Variants in CPM observed in about 807,000 individuals in gnomAD.
CPM encodes the protein carboxypeptidase M, also known as renal carboxypeptidase.
In CPM, 35 loss-of-function variants were observed where a neutral mutation model predicts 46.4. The ratio of observed to expected loss-of-function variants is 0.75; its 90% CI spans 0.58 to 1.00. The LOEUF (loss-of-function observed/expected upper bound fraction) is 1.00. Among genes scored for constraint, CPM ranks in the 50% least tolerant of loss-of-function variants. The pLI is 0.00. For synonymous variants in CPM, 195 were observed against 195.3 expected (o/e 1.00, Z 0.01); for missense variants, 422 against 530.4 (o/e 0.80, Z 2.01).
chr12:68,894,017 C>A (rs914685471), intron 2 of CPM, among the ~76,000 whole-genome samples: 1 of 152,052 alleles, frequency 6.6e-6, no homozygotes, highest in African/African-American at 2.4e-5. Flanking sequence ...GGGTGTGGAG[C>A]GCTGGTTGTT....
intron 5 of CPM, chr12:68,842,343 T>C (rs1385445048): frequency 2.0e-6 from 1 of 496,020 alleles, no homozygotes; most frequent in Non-Finnish European, 4.0e-6. Flanking sequence ...GAAGAAAAGA[T>C]GATATAACAG....
At chr12:68,935,442 C>T (rs1592710734), upstream of CPM, among the ~76,000 whole-genome samples, 1 of 151,772 alleles carries the variant, frequency 6.6e-6, no homozygotes. Flanking sequence ...TGTATTTTTA[C>T]ACCACACATG....
At position 68,924,213 on chromosome 12, in the gene CPM, T is replaced by C. The variant is rs189412505; in HGVS notation, c.160+8465A>G. ...AATGTAAGCATGACAAGATAAGTGA[T>C]AGGAAGGGCGCAGTGGCTCACGCCT... On this transcript the variant is annotated intron_variant, in intron 2 of 8. Coordinates refer to ENST00000551568, the MANE Select transcript of CPM (RefSeq NM_198320.5). Among the ~76,000 whole-genome samples the C allele has an allele frequency of 4.1e-3, 606 of 146,064 alleles. 2 individuals carry two copies. The highest frequency in any genetic ancestry group is 0.014 in the African/African-American group (532 of 39,084).
intron 2 of CPM, among the ~76,000 whole-genome samples, chr12:68,906,457 A>T (rs993338272): frequency 2.0e-5 from 3 of 152,158 alleles, no homozygotes; most frequent in Non-Finnish European, 4.4e-5. Flanking sequence ...TACAATATGC[A>T]GAGAAAGCTA....
In CPM at chr12:68,932,581, G is replaced by A. The variant is rs1280585476; in HGVS notation, c.160+97C>T. 4 of 1,399,358 alleles carry A rather than the reference G, an allele frequency of 2.9e-6. No homozygotes were observed. The Admixed American group carries it at 7.2e-5, about 25-fold the overall frequency. The allele number at this position is 1,399,358 out of a possible 1,614,324, so 86.7% of individuals were successfully genotyped here. A position where few individuals can be genotyped will look rare whatever the true frequency, so the allele number is the denominator to read the frequency against. On this transcript the variant is annotated intron_variant, in intron 2 of 8. Coordinates refer to ENST00000551568, the MANE Select transcript of CPM (RefSeq NM_198320.5). Reference sequence around the variant, plus strand: ...GACTTGTTCTGTGCCACTCAGAGTAGGTGCGTGGAAGAGCAGACAGGAAGC... The same window carrying A: ...GACTTGTTCTGTGCCACTCAGAGTAAGTGCGTGGAAGAGCAGACAGGAAGC...
chr12:68,951,798 C>T (rs746797244), intron 1 of CPM, among the ~76,000 whole-genome samples: 7 of 152,194 alleles, frequency 4.6e-5, no homozygotes, highest in South Asian at 4.2e-4. Flanking sequence ...TGTGAGCACA[C>T]CCTGGACTGG....
At chr12:68,909,327 G>A (rs1386868379) in intron 2 of CPM, among the ~76,000 whole-genome samples, 1 of 152,190 alleles carries the variant, frequency 6.6e-6, no homozygotes, top group African/African-American at 2.4e-5. Context: ...CTCTGGAACT[G>A]TAGGTGTGTA....
chr12:68,885,891 T>TG lies in CPM; in HGVS notation c.161-3_161-2insC, dbSNP rs765848531. The TG allele has an allele frequency of 6.2e-7, 1 of 1,611,004 alleles. No homozygotes were observed. The highest frequency in any genetic ancestry group is 8.5e-7 in the Non-Finnish European group (1 of 1,178,530). Reference sequence around the variant, plus strand: ...CAACAAGAACCCACAGGTTTCTACCTTTACAGGAAAAGAAGAAAAGATGGA... The same window carrying TG: ...CAACAAGAACCCACAGGTTTCTACCTGTTACAGGAAAAGAAGAAAAGATGGA... On this transcript the variant is annotated splice_polypyrimidine_tract_variant and splice_region_variant and intron_variant, in intron 2 of 8. Transcript: ENST00000551568.
At chr12:68,857,555 C>T (rs1187179843) in intron 8 of CPM, among the ~76,000 whole-genome samples, 9 of 151,672 alleles carry the variant, frequency 5.9e-5, no homozygotes, top group Admixed American at 5.9e-4. Flanking sequence ...AGGAAATGAT[C>T]AGGACAAGAC....
chr12:68,933,201 G>C (rs1312213296), upstream of CPM: 1 of 153,812 alleles, frequency 6.5e-6, no homozygotes, highest in African/African-American at 2.4e-5. Context: ...GGGTGTTATA[G>C]CCCGGTCAGA....
chr12:68,963,071 T>C (rs2136342659), intron 1 of CPM: 1 of 153,252 alleles, frequency 6.5e-6, no homozygotes, highest in East Asian at 1.9e-4. Flanking sequence ...TCCTTAACCT[T>C]GGCAAAGTAA....
At chr12:68,943,739 G>A (rs1012325384) in intron 1 of CPM, among the ~76,000 whole-genome samples, 1 of 152,160 alleles carries the variant, frequency 6.6e-6, no homozygotes, top group Non-Finnish European at 1.5e-5. Context: ...AATCTGGATT[G>A]TGTGATATCA....
intron 3 of CPM, among the ~76,000 whole-genome samples, chr12:68,876,198 A>G (rs942364316): frequency 2.6e-5 from 4 of 152,246 alleles, no homozygotes; most frequent in African/African-American, 9.6e-5. Context: ...ATAGTCCACA[A>G]CAAATCACAA....
chr12:68,908,696 T>C (rs1183744631), intron 2 of CPM, among the ~76,000 whole-genome samples: 4 of 152,132 alleles, frequency 2.6e-5, no homozygotes, highest in Non-Finnish European at 5.9e-5. Flanking sequence ...GTATAGAATA[T>C]ATTTATGACC....
At chr12:68,931,042 G>A (rs947704348) in intron 2 of CPM, among the ~76,000 whole-genome samples, 2 of 152,146 alleles carry the variant, frequency 1.3e-5, no homozygotes, top group African/African-American at 2.4e-5. Flanking sequence ...TACGTATGCT[G>A]ATTCAAGATA....
chr12:68,935,941 T>C (rs1888666783), upstream of CPM, among the ~76,000 whole-genome samples: 1 of 152,152 alleles, frequency 6.6e-6, no homozygotes, highest in Non-Finnish European at 1.5e-5. Flanking sequence ...GCTTCATCAA[T>C]ACTGGAATGG....
chr12:68,854,706 C>G lies in CPM; in HGVS notation c.*1731G>C, dbSNP rs1424612129. ...TTTTGTTTCAAGTGGCTCCCCTTCC[C>G]CAGTGCTGTGTGGACGATGGACTGA... On this transcript the variant is annotated 3_prime_UTR_variant, in exon 9 of 9. Transcript: ENST00000551568. The G allele has an allele frequency of 6.6e-6, 1 of 152,372 alleles. No individual in the cohort carries two copies. The highest frequency in any genetic ancestry group is 1.5e-5 in the Non-Finnish European group (1 of 68,200). 9.4% of individuals were successfully genotyped at this position (152,372 alleles called of 1,614,324 possible). A position where few individuals can be genotyped will look rare whatever the true frequency, so the allele number is the denominator to read the frequency against.
At chr12:68,960,551 A>G (rs10784736) in intron 1 of CPM, among the ~76,000 whole-genome samples, 49,198 of 152,004 alleles carry the variant, frequency 0.32, 8,125 homozygotes, top group South Asian at 0.45. Context: ...ATGCTTCTTT[A>G]CTTGTACGAC....
intron 2 of CPM, among the ~76,000 whole-genome samples, chr12:68,923,158 AGAGTGTGTGTGTGTGTGTGTGT>A (rs1475024260): frequency 3.8e-4 from 50 of 131,900 alleles, no homozygotes; most frequent in East Asian, 2.2e-3. Context: ...TATTTGATAT[AGAGTGTGTGTGTGTGTGTGTGT>A]GTGTGTGTGT....
Sources: gnomAD v4.1 joint callset for allele counts (sites outside exome capture counted in the v4.1 genomes callset) on GRCh38, gnomAD v4.1.1 for gene constraint, MANE v1.5 for transcripts, NCBI Gene and HGNC (gene_info 2026-07-23, HGNC 2026-07-21) for gene names.